CFAP161: variants seen among roughly 807,000 people sequenced by gnomAD.
CFAP161 encodes the protein cilia and flagella associated protein 161.
In CFAP161, 25 loss-of-function variants were observed where a neutral mutation model predicts 29.0. The observed-to-expected ratio is 0.86, with a 90% CI of 0.63 to 1.20. The LOEUF is 1.20. CFAP161 is among the 50% of genes most tolerant of loss of function. The pLI is 0.00. For missense variants in CFAP161, 367 were observed against 371.9 expected (o/e 0.99, Z 0.11); for synonymous variants, 116 against 137.4 (o/e 0.84, Z 1.09).
In CFAP161 at chr15:81,134,318, C is replaced by T. The variant is rs368612436; in HGVS notation, c.-12C>T. 82 of 1,581,074 alleles carry T rather than the reference C, an allele frequency of 5.2e-5. No homozygotes were observed. The highest frequency in any genetic ancestry group is 6.5e-5 in the Non-Finnish European group (76 of 1,164,130). ...GTCGGAGGGAGGCCCACTTGCTGAA[C>T]AGCAGGGAGCGATGGCGCAGAACGT... On this transcript the variant is annotated 5_prime_UTR_variant, in exon 1 of 7. It introduces an in-frame stop codon into an upstream open reading frame of the 5' UTR. Coordinates refer to ENST00000286732, the MANE Select transcript of CFAP161 (RefSeq NM_173528.4).
chr15:81,124,468 T>G (rs374873928), intron 1 of CFAP161, among the ~76,000 whole-genome samples: 2 of 98,036 alleles, frequency 2.0e-5, no homozygotes, highest in African/African-American at 6.2e-5. Flanking sequence ...TGGCATGAAG[T>G]TTTCTTTTTT....
At chr15:81,133,219 A>ATT (rs1894744309), upstream of CFAP161, among the ~76,000 whole-genome samples, 1 of 29,290 alleles carries the variant, frequency 3.4e-5, no homozygotes, top group African/African-American at 1.1e-4. Context: ...ATATATATAT[A>ATT]TATATGTATT....
intron 1 of CFAP161, chr15:81,118,400 T>TGGACGAATTCCCAC (rs1894526953): frequency 4.4e-6 from 1 of 224,798 alleles, no homozygotes; most frequent in Non-Finnish European, 8.7e-6. Flanking sequence ...GTAAACCTGA[T>TGGACGAATTCCCAC]GGACGAATTC....
At chr15:81,137,502 A>G (rs1753279206) in intron 3 of CFAP161, among the ~76,000 whole-genome samples, 1 of 152,214 alleles carries the variant, frequency 6.6e-6, no homozygotes, top group South Asian at 2.1e-4. Context: ...TCACTGAAGC[A>G]TGAGAATCAC....
chr15:81,136,606 G>A lies in CFAP161; in HGVS notation c.250G>A (p.Val84Met), dbSNP rs759113074. 1 of 1,614,206 alleles carries A rather than the reference G, an allele frequency of 6.2e-7. No homozygotes were observed. Among genetic ancestry groups the A allele is most frequent in the Non-Finnish European group, 8.5e-7 (1 of 1,180,036 alleles). ...TGATGATCCTGACACAGAAGCTGAT[G>A]TGTTTCTGCGTGGGGACCTGAGCCT... ...NPDDPDTEAD[V>M]FLRGDLSLCM... The change falls in exon 3 of 7, where the codon GTG becomes ATG. Residue 84 changes from valine (V) to methionine (M), a missense_variant. By Grantham distance (21) the Val-to-Met change is conservative. Transcript: ENST00000286732.
intron 1 of CFAP161, among the ~76,000 whole-genome samples, chr15:81,120,637 G>A (rs1894560293): frequency 6.6e-6 from 1 of 152,128 alleles, no homozygotes; most frequent in South Asian, 2.1e-4. Context: ...TTGACAAAAA[G>A]GTTGAAGGAG....
chr15:81,130,558 G>A (rs919614116), upstream of CFAP161, among the ~76,000 whole-genome samples: 1 of 152,188 alleles, frequency 6.6e-6, no homozygotes, highest in African/African-American at 2.4e-5. Flanking sequence ...AAATTAGCTG[G>A]GTGTGGTGGC....
At chr15:81,137,696 G>T (rs147465672) in intron 3 of CFAP161, among the ~76,000 whole-genome samples, 1 of 152,148 alleles carries the variant, frequency 6.6e-6, no homozygotes, top group African/African-American at 2.4e-5. Flanking sequence ...AGAGGGAACC[G>T]TATTAAATGT....
Position 81,140,945 on chromosome 15 carries a change from G to C in CFAP161, c.478-2717G>C, listed in dbSNP as rs368485244. The stretch of plus-strand genomic sequence containing the variant: ...CTTAATTATTAGAGCTTTATGATAG[G>C]GCTCATAGCCCTGTGACCTTGACAG... On this transcript the variant is annotated intron_variant, in intron 4 of 6. Transcript: ENST00000286732. 2.6e-5 allele frequency among the ~76,000 whole-genome samples: 4 copies of C among 151,918 alleles called. No homozygotes were observed. The East Asian group carries it at 7.7e-4, about 29-fold the overall frequency.
chr15:81,133,194 T>A, upstream of CFAP161, among the ~76,000 whole-genome samples: 1 of 39,938 alleles, frequency 2.5e-5, no homozygotes, highest in Admixed American at 2.6e-4. Flanking sequence ...TATATATATA[T>A]ATATATATAT....
intron 1 of CFAP161, among the ~76,000 whole-genome samples, chr15:81,121,843 T>C (rs1465000092): frequency 1.3e-5 from 2 of 152,204 alleles, no homozygotes; most frequent in Non-Finnish European, 1.5e-5. Context: ...ATTAGTTATT[T>C]TTCCTGATTC....
intron 1 of CFAP161, 103 bp downstream of exon 1, chr15:81,134,501 C>G (rs1226558439): frequency 8.5e-7 from 1 of 1,170,716 alleles, no homozygotes; most frequent in Non-Finnish European, 1.2e-6. Context: ...CCTCTCTCTC[C>G]CAGCATACAG....
At chr15:81,140,736 T>A (rs1894893861) in intron 4 of CFAP161, among the ~76,000 whole-genome samples, 1 of 151,836 alleles carries the variant, frequency 6.6e-6, no homozygotes. Context: ...GTTTTTAAAA[T>A]TTATTTATTA....
chr15:81,144,717 G>C (rs961061393), intron 5 of CFAP161, among the ~76,000 whole-genome samples: 5 of 151,524 alleles, frequency 3.3e-5, no homozygotes, highest in African/African-American at 1.2e-4. Context: ...AGCCTGGGAG[G>C]TCGAGGCTGC....
At chr15:81,145,682 T>C (rs1177213219) in intron 5 of CFAP161, among the ~76,000 whole-genome samples, 2 of 152,160 alleles carry the variant, frequency 1.3e-5, no homozygotes, top group Non-Finnish European at 2.9e-5. Flanking sequence ...CCCAAACCTG[T>C]CTGAGCTACC....
intron 1 of CFAP161, among the ~76,000 whole-genome samples, chr15:81,105,942 C>T (rs1225448415): frequency 6.6e-6 from 1 of 152,148 alleles, no homozygotes. Flanking sequence ...CAGGCATTGT[C>T]GCTGGGGCTA....
chr15:81,124,685 G>A (rs909240926), intron 1 of CFAP161, among the ~76,000 whole-genome samples: 1 of 152,010 alleles, frequency 6.6e-6, no homozygotes, highest in Non-Finnish European at 1.5e-5. Context: ...CTCAATTTCG[G>A]AACTCATTAT....
intron 1 of CFAP161, among the ~76,000 whole-genome samples, chr15:81,126,900 G>T (rs753587835): frequency 2.0e-5 from 3 of 152,146 alleles, no homozygotes; most frequent in Non-Finnish European, 4.4e-5. Flanking sequence ...CAGTGGAAAA[G>T]TCAGCAAATT....
intron 4 of CFAP161, 30 bp downstream of exon 4, chr15:81,138,165 G>C (rs1420744603): frequency 6.4e-7 from 1 of 1,550,660 alleles, no homozygotes; most frequent in East Asian, 2.2e-5. Flanking sequence ...ATCTACTTTG[G>C]ATCAGTCATT....
Sources: gnomAD v4.1 joint callset for allele counts (sites outside exome capture counted in the v4.1 genomes callset) on GRCh38, gnomAD v4.1.1 for gene constraint, MANE v1.5 for transcripts, NCBI Gene and HGNC (gene_info 2026-07-23, HGNC 2026-07-21) for gene names.